Variants in TMEM201 observed in about 807,000 individuals in gnomAD.
TMEM201 encodes RP13-15M17.2.
Under a neutral mutation model 63.4 loss-of-function variants are expected in TMEM201, and 26 were observed. The ratio of observed to expected loss-of-function variants is 0.41; its 90% CI spans 0.30 to 0.57. The LOEUF is 0.57. Ranked by LOEUF, TMEM201 falls within the 20% of genes least tolerant of loss-of-function variation. The pLI is 0.29. For synonymous variants in TMEM201, 417 were observed against 421.6 expected (o/e 0.99, Z 0.14); for missense variants, 794 against 917.7 (o/e 0.87, Z 1.74).
chr1:9,595,257 C>G (rs545068689), intron 1 of TMEM201, among the ~76,000 whole-genome samples: 1 of 152,326 alleles, frequency 6.6e-6, no homozygotes, highest in East Asian at 1.9e-4. Flanking sequence ...TGTCACCACA[C>G]GTGTAGCCAG....
intron 9 of TMEM201, 102 bp from the exon 10 acceptor site, chr1:9,611,651 C>T: frequency 6.7e-7 from 1 of 1,484,540 alleles, no homozygotes; most frequent in South Asian, 1.2e-5. Flanking sequence ...GCCTGGCTCA[C>T]CACTTCTGAC....
chr1:9,612,023 C>A, intron 10 of TMEM201, 133 bp downstream of exon 10: 1 of 1,062,202 alleles, frequency 9.4e-7, no homozygotes, highest in Non-Finnish European at 1.3e-6. Context: ...CGACAAGTAA[C>A]CCACCCGGCG....
In TMEM201 at chr1:9,609,901, T is replaced by G; in HGVS notation, c.1455T>G (p.Phe485Leu). The G allele has an allele frequency of 1.3e-6, 2 of 1,551,470 alleles. No individual in the cohort carries two copies. The highest frequency in any genetic ancestry group is 1.4e-5 in the African/African-American group (1 of 73,154). The change falls in exon 8 of 11, where the codon TTT (phenylalanine) becomes TTG (leucine). Residue 485 changes from phenylalanine to leucine, a missense_variant. Transcript: ENST00000340381. ...PPSQVSRSGE[F>L]PVSDYFSLLS... Reference sequence around the variant, plus strand: ...CTCAGGTGTCTCGATCTGGGGAGTTTCCTGTTTCAGGTGAGGAAGACAGAG... The same window carrying G: ...CTCAGGTGTCTCGATCTGGGGAGTTGCCTGTTTCAGGTGAGGAAGACAGAG...
Position 9,607,617 on chromosome 1 carries a change from C to T in TMEM201, c.1221C>T (p.His407=), listed in dbSNP as rs1051912357. The change falls in exon 7 of 11, where the codon CAC becomes CAT. Residue 407 remains histidine, a synonymous_variant. Transcript: ENST00000340381. The surrounding 1 kb of genome is among the most constrained non-coding windows in gnomAD (Gnocchi z 5.4). The part of the protein sequence containing the change: ...FPTSPSLAIP[H]PSVGGSPASL... ...CCAGCCCCAGCTTGGCCATCCCTCA[C>T]CCGAGTGTCGGAGGCTCTCCAGCGT... 5.2e-6 allele frequency: 8 copies of T among 1,551,872 alleles called. No homozygotes were observed. The highest frequency in any genetic ancestry group is 1.4e-5 in the African/African-American group (1 of 73,176).
At chr1:9,594,203 G>C (rs1643971773) in intron 1 of TMEM201, among the ~76,000 whole-genome samples, 1 of 152,258 alleles carries the variant, frequency 6.6e-6, no homozygotes, top group Admixed American at 6.5e-5. Flanking sequence ...GGCCATGCCT[G>C]TTGCCATACT....
At chr1:9,596,394 C>G (rs2100464975) in intron 2 of TMEM201, among the ~76,000 whole-genome samples, 1 of 152,348 alleles carries the variant, frequency 6.6e-6, no homozygotes, top group Non-Finnish European at 1.5e-5. Flanking sequence ...GCTTTGGAAG[C>G]CATTTGGTCT....
intron 1 of TMEM201, among the ~76,000 whole-genome samples, chr1:9,590,936 T>C (rs1253285755): frequency 6.6e-6 from 1 of 152,090 alleles, no homozygotes; most frequent in Non-Finnish European, 1.5e-5. Flanking sequence ...CGGGAGGGCA[T>C]GTAAGGAGAG....
At chr1:9,595,308 G>C (rs1329314483) in intron 1 of TMEM201, among the ~76,000 whole-genome samples, 1 of 152,228 alleles carries the variant, frequency 6.6e-6, no homozygotes, top group Non-Finnish European at 1.5e-5. Context: ...GTTGGCCCCA[G>C]GCTGGGCAGC....
At chr1:9,598,098 G>T (rs1013741470) in intron 3 of TMEM201, among the ~76,000 whole-genome samples, 3 of 152,180 alleles carry the variant, frequency 2.0e-5, no homozygotes, top group Non-Finnish European at 4.4e-5. Flanking sequence ...GTGTCAGCCC[G>T]CAGCCACCTT....
At chr1:9,596,098 T>TGCCCC in intron 2 of TMEM201, 88 bp downstream of exon 2, 1 of 1,515,598 alleles carries the variant, frequency 6.6e-7, no homozygotes, top group Non-Finnish European at 8.9e-7. Context: ...GTCCCTGCCC[T>TGCCCC]GCCCCGGGGC....
At chr1:9,599,841 G>A (rs1020015962) in intron 4 of TMEM201, among the ~76,000 whole-genome samples, 31 of 150,438 alleles carry the variant, frequency 2.1e-4, no homozygotes, top group African/African-American at 6.6e-4. Flanking sequence ...CTCGTGATCC[G>A]CCCGCCTCAG....
At chr1:9,611,484 C>T (rs1644323494) in intron 9 of TMEM201, among the ~76,000 whole-genome samples, 2 of 152,228 alleles carry the variant, frequency 1.3e-5, no homozygotes, top group African/African-American at 4.8e-5. Flanking sequence ...AGGCGTGGGC[C>T]ACTGCGCCCG....
At position 9,602,572 on chromosome 1, in the gene TMEM201, G is replaced by C. The variant is rs1266061114; in HGVS notation, c.1160+300G>C. 3.8e-6 allele frequency: 5 copies of C among 1,314,062 alleles called. No individual in the cohort carries two copies. The Admixed American group carries it at 9.7e-5, about 25-fold the overall frequency. 81.4% of individuals were successfully genotyped at this position (1,314,062 alleles called of 1,614,324 possible). On this transcript the variant is annotated intron_variant, in intron 6 of 10. Transcript: ENST00000340381. ...TGGCCTGGTGACTGGAATGTGGGCA[G>C]CGCCCACACAGGCTCTGGCCCATGG...
chr1:9,609,362 T>A (rs897541475), intron 7 of TMEM201, among the ~76,000 whole-genome samples: 1 of 152,136 alleles, frequency 6.6e-6, no homozygotes, highest in Non-Finnish European at 1.5e-5. Context: ...TGCGCCTGAT[T>A]TAGGAAAAGG....
In TMEM201 at chr1:9,605,827, C is replaced by T. The variant is rs1003635692; in HGVS notation, c.1161-1730C>T. On this transcript the variant is annotated intron_variant, in intron 6 of 10. Transcript: ENST00000340381. The surrounding 1 kb of genome is among the most constrained non-coding windows in gnomAD (Gnocchi z 5.7). ...AGACCCAGCCACTCCTGCTAGAGCC[C>T]ACCCTTTGGGGCCAGGAGCTGCGTG... 1.3e-5 allele frequency among the ~76,000 whole-genome samples: 2 copies of T among 152,204 alleles called. No individual in the cohort carries two copies. The highest frequency in any genetic ancestry group is 1.9e-4 in the East Asian group (1 of 5,202).
chr1:9,594,594 C>A (rs1350632132), intron 1 of TMEM201, among the ~76,000 whole-genome samples: 1 of 152,218 alleles, frequency 6.6e-6, no homozygotes, highest in African/African-American at 2.4e-5. Context: ...CTTCATATGC[C>A]CCTGGTCAGG....
rs545441459 is a variant in TMEM201 at position 9,595,189 on chromosome 1, G to T, written c.114-701G>T. Among the ~76,000 whole-genome samples, 32 of 152,276 alleles carry T rather than the reference G, an allele frequency of 2.1e-4. No individual in the cohort carries two copies. In the South Asian group the frequency reaches 6.2e-3, roughly 30 times the overall value. ...CCCACAACCAATGAGGTGGGTAGAGGGGGGCCCAGAGCATAGATCCCCCAG... is the reference window on the plus strand; with the variant it reads ...CCCACAACCAATGAGGTGGGTAGAGTGGGGCCCAGAGCATAGATCCCCCAG... On this transcript the variant is annotated intron_variant, in intron 1 of 10. Transcript: ENST00000340381.
chr1:9,609,652 A>G (rs1304521991), intron 7 of TMEM201, among the ~76,000 whole-genome samples, 188 bp from the exon 8 acceptor site: 3 of 152,152 alleles, frequency 2.0e-5, no homozygotes, highest in Non-Finnish European at 4.4e-5. Context: ...CAGTTTCTTT[A>G]TCTGCAAAAA....
intron 1 of TMEM201, among the ~76,000 whole-genome samples, chr1:9,595,661 T>C (rs1017764283): frequency 2.0e-5 from 3 of 152,138 alleles, no homozygotes; most frequent in Non-Finnish European, 4.4e-5. Context: ...GGCCGTGGCC[T>C]CCCTGTCTGG....
Sources: allele counts gnomAD v4.1 joint callset (sites outside exome capture counted in the v4.1 genomes callset), GRCh38; gene constraint gnomAD v4.1.1; non-coding constraint Gnocchi (gnomAD v3.1); transcripts MANE v1.5; gene names NCBI Gene and HGNC (gene_info 2026-07-23, HGNC 2026-07-21).